Variants in RNF150 observed in about 807,000 individuals in gnomAD.
RNF150 encodes ring finger protein 150.
A neutral mutation model predicts 39.3 loss-of-function variants in RNF150; 24 were observed. That is an observed-to-expected ratio of 0.61 (90% CI 0.44 to 0.86). The LOEUF is 0.86. Among genes scored for constraint, RNF150 ranks in the 40% least tolerant of loss-of-function variants. The probability of loss-of-function intolerance (pLI) is 0.00; values close to 1 mark genes in which losing one functional copy is unlikely to be tolerated. For missense variants in RNF150, 502 were observed against 587.8 expected (o/e 0.85, Z 1.51); for synonymous variants, 255 against 227.3 (o/e 1.12, Z -1.10).
intron 6 of RNF150, among the ~76,000 whole-genome samples, chr4:140,907,359 A>AATG (rs1730420315): frequency 6.6e-6 from 1 of 152,232 alleles, no homozygotes; most frequent in Non-Finnish European, 1.5e-5. Context: ...TCTTTCTTCT[A>AATG]ATGTCAGACT....
chr4:140,920,086 A>G (rs1189795277), intron 5 of RNF150, among the ~76,000 whole-genome samples: 2 of 151,028 alleles, frequency 1.3e-5, no homozygotes, highest in Admixed American at 6.6e-5. Context: ...TAAAAACCCT[A>G]GAAGAAAACC....
intron 1 of RNF150, among the ~76,000 whole-genome samples, chr4:140,980,575 G>A (rs1733823530): frequency 6.6e-6 from 1 of 152,036 alleles, no homozygotes; most frequent in Admixed American, 6.6e-5. Flanking sequence ...GGGAGGAGCT[G>A]GGTGGGAGGT....
At chr4:141,033,410 T>C (rs1205674850) in intron 1 of RNF150, among the ~76,000 whole-genome samples, 1 of 152,200 alleles carries the variant, frequency 6.6e-6, no homozygotes, top group Non-Finnish European at 1.5e-5. Context: ...CTGCAGTGAC[T>C]TCCTCCACTG....
chr4:141,144,843 G>A (rs1252398503), intron 1 of RNF150, among the ~76,000 whole-genome samples: 8 of 152,054 alleles, frequency 5.3e-5, no homozygotes, highest in Non-Finnish European at 1.2e-4. Flanking sequence ...CTCAATAAAC[G>A]TAGAAGGAAG....
At chr4:141,121,739 G>A (rs1217451525) in intron 1 of RNF150, among the ~76,000 whole-genome samples, 2 of 151,762 alleles carry the variant, frequency 1.3e-5, no homozygotes, top group African/African-American at 2.4e-5. Flanking sequence ...TCATAATTTC[G>A]ATCCTTATAG....
chr4:141,069,881 G>A (rs539573473), intron 1 of RNF150, among the ~76,000 whole-genome samples: 1 of 152,300 alleles, frequency 6.6e-6, no homozygotes, highest in Non-Finnish European at 1.5e-5. Flanking sequence ...ATGGTAGTTT[G>A]TATTTGTGGG....
At chr4:140,994,428 G>A (rs1201908693) in intron 1 of RNF150, among the ~76,000 whole-genome samples, 2 of 152,140 alleles carry the variant, frequency 1.3e-5, no homozygotes, top group African/African-American at 4.8e-5. Context: ...GGTTATTTAT[G>A]ATAAATATTG....
intron 1 of RNF150, among the ~76,000 whole-genome samples, chr4:141,189,687 C>T (rs1026925817): frequency 6.6e-6 from 1 of 152,126 alleles, no homozygotes; most frequent in East Asian, 1.9e-4. Context: ...TCAGTGGCTG[C>T]GTTTACACTG....
chr4:140,887,254 C>G (rs149144165), intron 6 of RNF150, among the ~76,000 whole-genome samples: 55 of 152,322 alleles, frequency 3.6e-4, no homozygotes, highest in African/African-American at 1.3e-3. Context: ...ACAATCTCAG[C>G]TTCCTCATCA....
chr4:140,952,404 G>A lies in RNF150; in HGVS notation c.736-3032C>T, dbSNP rs142634276. Among the ~76,000 whole-genome samples, 763 of 152,290 alleles carry A rather than the reference G, an allele frequency of 5.0e-3. 4 individuals are homozygous for A. The highest frequency in any genetic ancestry group is 0.017 in the African/African-American group (717 of 41,552). On this transcript the variant is annotated intron_variant, in intron 2 of 6. Transcript: ENST00000515673. ...AATAATTTTTTAGCAAATGAAATAT[G>A]CCCTTCTTAAATGTGGGCATGTAGG...
intron 6 of RNF150, among the ~76,000 whole-genome samples, chr4:140,884,747 A>G (rs2111212540): frequency 6.6e-6 from 1 of 152,196 alleles, no homozygotes; most frequent in Non-Finnish European, 1.5e-5. Flanking sequence ...TTTCGGGAAG[A>G]CAGAAGCCAG....
intron 1 of RNF150, among the ~76,000 whole-genome samples, chr4:140,969,756 C>CTTTTTTTTTT (rs70946718): frequency 3.9e-5 from 3 of 75,962 alleles, no homozygotes; most frequent in Non-Finnish European, 2.3e-5. Flanking sequence ...ACAAGTTTTA[C>CTTTTTTTTTT]TTTTTTTTTT....
At chr4:140,992,816 GAA>G (rs1734241972) in intron 1 of RNF150, among the ~76,000 whole-genome samples, 1 of 152,130 alleles carries the variant, frequency 6.6e-6, no homozygotes, top group South Asian at 2.1e-4. Context: ...GCTTCCTGGG[GAA>G]AAGAGTTGGG....
chr4:141,066,928 C>G (rs530202142), intron 1 of RNF150, among the ~76,000 whole-genome samples: 1 of 152,246 alleles, frequency 6.6e-6, no homozygotes, highest in South Asian at 2.1e-4. Flanking sequence ...CTACTACACT[C>G]CTAGGCTATG....
intron 1 of RNF150, among the ~76,000 whole-genome samples, chr4:140,978,564 G>C (rs1443829619): frequency 6.6e-6 from 1 of 151,994 alleles, no homozygotes; most frequent in African/African-American, 2.4e-5. Context: ...TGTAGAATAA[G>C]AATTATTGAA....
intron 1 of RNF150, among the ~76,000 whole-genome samples, chr4:141,149,675 TTGCAGTTG>T (rs1727265145): frequency 6.6e-6 from 1 of 152,236 alleles, no homozygotes; most frequent in African/African-American, 2.4e-5. Context: ...TTTTTTGCAA[TTGCAGTTG>T]TGCTGCTATA....
At chr4:140,955,300 G>T (rs868714712) in intron 2 of RNF150, among the ~76,000 whole-genome samples, 1 of 152,174 alleles carries the variant, frequency 6.6e-6, no homozygotes, top group African/African-American at 2.4e-5. Flanking sequence ...AAATCTGTTT[G>T]TGAGCACACA....
intron 1 of RNF150, among the ~76,000 whole-genome samples, chr4:141,098,802 A>T (rs537297902): frequency 3.3e-5 from 5 of 152,086 alleles, no homozygotes; most frequent in Admixed American, 2.0e-4. Flanking sequence ...TTCCTTCCTC[A>T]TTGTACAAGG....
intron 1 of RNF150, among the ~76,000 whole-genome samples, chr4:140,984,800 A>T (rs1234886205): frequency 6.6e-6 from 1 of 152,092 alleles, no homozygotes; most frequent in Non-Finnish European, 1.5e-5. Flanking sequence ...GGGTGTATAA[A>T]TACCTCAGTT....
Sources: allele counts gnomAD v4.1 joint callset (sites outside exome capture counted in the v4.1 genomes callset), GRCh38; gene constraint gnomAD v4.1.1; transcripts MANE v1.5; gene names NCBI Gene and HGNC (gene_info 2026-07-23, HGNC 2026-07-21).